Variants in KCTD16 observed in about 807,000 individuals in gnomAD.
The protein encoded by KCTD16 is potassium channel tetramerization domain containing 16, also known as BTB/POZ domain-containing protein KCTD16.
In KCTD16, 13 loss-of-function variants were observed where a neutral mutation model predicts 33.2. That is an observed-to-expected ratio of 0.39 (90% confidence interval 0.25 to 0.62). The LOEUF is 0.62. Among genes scored for constraint, KCTD16 ranks in the 20% least tolerant of loss-of-function variants. The pLI is 0.50. For missense variants in KCTD16, 441 were observed against 525.1 expected (o/e 0.84, Z 1.57); for synonymous variants, 197 against 195.3 (o/e 1.01, Z -0.07).
intron 3 of KCTD16, among the ~76,000 whole-genome samples, chr5:144,396,146 T>C (rs750710687): frequency 2.6e-5 from 4 of 152,144 alleles, no homozygotes; most frequent in Non-Finnish European, 5.9e-5. Context: ...ACTTTGCCTG[T>C]CAGATACCAA....
intron 3 of KCTD16, among the ~76,000 whole-genome samples, chr5:144,337,537 CA>C (rs1397021231): frequency 6.6e-6 from 1 of 151,156 alleles, no homozygotes; most frequent in East Asian, 1.9e-4. Flanking sequence ...GTAAGTGTTA[CA>C]TTTACTTTTT....
At chr5:144,285,034 T>C (rs1175683372) in intron 3 of KCTD16, among the ~76,000 whole-genome samples, 1 of 152,124 alleles carries the variant, frequency 6.6e-6, no homozygotes, top group Admixed American at 6.5e-5. Context: ...AGAAATTGCT[T>C]CACAAAAGAT....
intron 3 of KCTD16, among the ~76,000 whole-genome samples, chr5:144,416,739 G>A (rs939338658): frequency 1.8e-4 from 27 of 151,998 alleles, no homozygotes; most frequent in Admixed American, 7.9e-4. Context: ...TCCATCACTC[G>A]AAAGTAAAAC....
chr5:144,351,083 A>C (rs1267304291), intron 3 of KCTD16, among the ~76,000 whole-genome samples: 1 of 152,228 alleles, frequency 6.6e-6, no homozygotes, highest in African/African-American at 2.4e-5. Context: ...TATCTGGTAA[A>C]TAACAGATGA....
intron 3 of KCTD16, among the ~76,000 whole-genome samples, chr5:144,323,618 A>T (rs1405582071): frequency 6.6e-6 from 1 of 152,202 alleles, no homozygotes; most frequent in African/African-American, 2.4e-5. Flanking sequence ...GACTGGGGAA[A>T]GTCCATGGAA....
intron 3 of KCTD16, among the ~76,000 whole-genome samples, chr5:144,239,842 C>A (rs952459768): frequency 6.9e-4 from 105 of 152,054 alleles, no homozygotes; most frequent in Admixed American, 7.2e-4. Context: ...TGAGATTCCA[C>A]TGGTACTTGA....
chr5:144,182,742 G>T (rs1044069660), intron 2 of KCTD16, among the ~76,000 whole-genome samples: 28 of 151,924 alleles, frequency 1.8e-4, no homozygotes, highest in African/African-American at 6.3e-4. Context: ...GGAGATCCCT[G>T]TCTGAGAGAG....
At chr5:144,427,658 A>G (rs1753361308) in intron 3 of KCTD16, among the ~76,000 whole-genome samples, 1 of 152,122 alleles carries the variant, frequency 6.6e-6, no homozygotes, top group Admixed American at 6.6e-5. Context: ...TCCTGCTATC[A>G]TCCCCAGAGA....
chr5:144,195,076 C>T (rs913678141), intron 2 of KCTD16, among the ~76,000 whole-genome samples: 9 of 152,152 alleles, frequency 5.9e-5, no homozygotes, highest in Admixed American at 5.9e-4. Flanking sequence ...TCCCCAGACC[C>T]TCAGGATATC....
At chr5:144,303,453 T>TA (rs1475464713) in intron 3 of KCTD16, among the ~76,000 whole-genome samples, 1 of 152,152 alleles carries the variant, frequency 6.6e-6, no homozygotes, top group Non-Finnish European at 1.5e-5. Flanking sequence ...GCTGGGTTGT[T>TA]CAGAGATGGA....
At chr5:144,363,546 T>TC (rs1171492096) in intron 3 of KCTD16, among the ~76,000 whole-genome samples, 1 of 152,036 alleles carries the variant, frequency 6.6e-6, no homozygotes, top group African/African-American at 2.4e-5. Context: ...TGTTTTTTTT[T>TC]GTGACAGATT....
intron 3 of KCTD16, among the ~76,000 whole-genome samples, chr5:144,361,092 C>G (rs950605404): frequency 1.1e-4 from 14 of 130,490 alleles, no homozygotes; most frequent in Non-Finnish European, 1.6e-4. Flanking sequence ...GTGTGATGTT[C>G]CCCTTCCTGT....
intron 3 of KCTD16, among the ~76,000 whole-genome samples, chr5:144,354,571 G>A (rs40560): frequency 0.34 from 51,222 of 151,940 alleles, 9,370 homozygotes; most frequent in African/African-American, 0.48. Flanking sequence ...AACACACATG[G>A]AAACAATAAT....
intron 3 of KCTD16, chr5:144,385,401 G>C (rs531824597): frequency 6.6e-6 from 1 of 152,114 alleles, no homozygotes; most frequent in Non-Finnish European, 1.5e-5. Context: ...AACATGCTTG[G>C]GGCCAAGCCA....
chr5:144,302,681 C>G (rs987389690), intron 3 of KCTD16, among the ~76,000 whole-genome samples: 1 of 152,214 alleles, frequency 6.6e-6, no homozygotes, highest in East Asian at 1.9e-4. Context: ...AATAACTTAA[C>G]TGTAAAACAC....
intron 3 of KCTD16, among the ~76,000 whole-genome samples, chr5:144,345,722 T>G (rs1011260512): frequency 1.3e-5 from 2 of 152,046 alleles, no homozygotes; most frequent in African/African-American, 4.8e-5. Context: ...TTTATTTTTG[T>G]GGGTACATAG....
At chr5:144,348,878 C>A (rs1752876151) in intron 3 of KCTD16, among the ~76,000 whole-genome samples, 1 of 152,122 alleles carries the variant, frequency 6.6e-6, no homozygotes, top group Non-Finnish European at 1.5e-5. Context: ...TAATACCTAC[C>A]AGCCCCACTA....
chr5:144,200,396 C>T (rs1753021121), intron 2 of KCTD16, among the ~76,000 whole-genome samples: 1 of 152,200 alleles, frequency 6.6e-6, no homozygotes, highest in Non-Finnish European at 1.5e-5. Context: ...CCCGAAGGAT[C>T]TCCACTCCCA....
intron 3 of KCTD16, among the ~76,000 whole-genome samples, chr5:144,395,407 G>A (rs554898693): frequency 2.6e-5 from 4 of 152,258 alleles, no homozygotes; most frequent in South Asian, 4.1e-4. Flanking sequence ...AAGAGGTCTT[G>A]CCGCCTTTCA....
Sources: gnomAD v4.1 joint callset for allele counts (sites outside exome capture counted in the v4.1 genomes callset) on GRCh38, gnomAD v4.1.1 for gene constraint, MANE v1.5 for transcripts, NCBI Gene and HGNC (gene_info 2026-07-23, HGNC 2026-07-21) for gene names.